The following DCDC2 variants were observed in gnomAD, a reference collection of about 807,000 sequenced individuals.
The protein encoded by DCDC2 is doublecortin domain containing 2.
In DCDC2, 40 loss-of-function variants were observed where a neutral mutation model predicts 50.2. The ratio of observed to expected loss-of-function variants is 0.80; its 90% CI spans 0.62 to 1.04. The LOEUF is 1.04. Among genes scored for constraint, DCDC2 ranks in the 50% least tolerant of loss-of-function variants. The pLI, the probability that DCDC2 is intolerant of heterozygous loss-of-function variation, is 0.00. For missense variants in DCDC2, 570 were observed against 581.9 expected, an observed-to-expected ratio of 0.98 and a Z score of 0.21; for synonymous variants, 234 against 210.6, an observed-to-expected ratio of 1.11 and a Z score of -0.96.
At chr6:24,276,365 A>G (rs916285444) in intron 7 of DCDC2, among the ~76,000 whole-genome samples, 1 of 152,036 alleles carries the variant, frequency 6.6e-6, no homozygotes, top group East Asian at 1.9e-4. Flanking sequence ...ATAGGCTAAC[A>G]AGAACCTCAC....
At position 24,217,663 on chromosome 6, in the gene DCDC2, CTG is replaced by C. The variant is rs1312018267; in HGVS notation, c.923-12563_923-12562del. 3.3e-5 allele frequency among the ~76,000 whole-genome samples: 5 copies of C among 152,190 alleles called. No individual in the cohort carries two copies. The East Asian group carries it at 9.6e-4, about 29-fold the overall frequency. On this transcript the variant is annotated intron_variant, in intron 7 of 9. Coordinates refer to ENST00000378454, the MANE Select transcript of DCDC2 (RefSeq NM_016356.5). ...CTGAGTGAGGGTGTTTTCAATTTAA[CTG>C]TTCTAGAATTTTACAGATTAATGTG...
intron 4 of DCDC2, among the ~76,000 whole-genome samples, chr6:24,292,282 T>G (rs559078315): frequency 1.3e-5 from 2 of 152,120 alleles, no homozygotes; most frequent in Non-Finnish European, 2.9e-5. Context: ...GATTTCAGTA[T>G]CATCAAAAAG....
intron 7 of DCDC2, among the ~76,000 whole-genome samples, chr6:24,220,024 T>C: frequency 6.6e-6 from 1 of 152,232 alleles, no homozygotes; most frequent in Non-Finnish European, 1.5e-5. Context: ...GCCAACCTCT[T>C]ACACTGAAAA....
intron 7 of DCDC2, among the ~76,000 whole-genome samples, chr6:24,258,573 G>T (rs1762943672): frequency 6.6e-6 from 1 of 152,160 alleles, no homozygotes; most frequent in Admixed American, 6.5e-5. Context: ...AGTCCAGCTG[G>T]CTTCACCTCT....
intron 7 of DCDC2, among the ~76,000 whole-genome samples, chr6:24,277,260 C>T (rs9393547): frequency 0.71 from 107,289 of 150,798 alleles, 39,777 homozygotes; most frequent in East Asian, 0.95. Flanking sequence ...CACAGTCCCA[C>T]GGGTGGGGTG....
intron 7 of DCDC2, among the ~76,000 whole-genome samples, chr6:24,276,396 C>A (rs369200420): frequency 7.5e-6 from 1 of 134,048 alleles, no homozygotes. Flanking sequence ...CAAATAACAT[C>A]TTATAAAAGG....
upstream of DCDC2, among the ~76,000 whole-genome samples, chr6:24,358,900 A>ATATATTT (rs1561788489): frequency 0.018 from 236 of 13,414 alleles, 8 homozygotes; most frequent in African/African-American, 0.13. Context: ...TATATATATA[A>ATATATTT]TATATTATAT....
upstream of DCDC2, among the ~76,000 whole-genome samples, chr6:24,359,536 T>TATATA (rs1236495783): frequency 2.4e-4 from 26 of 106,434 alleles, no homozygotes; most frequent in African/African-American, 9.6e-4. Flanking sequence ...TATATATTTT[T>TATATA]TATATATTTT....
chr6:24,176,524 A>C (rs1760917792), intron 9 of DCDC2, among the ~76,000 whole-genome samples: 1 of 152,214 alleles, frequency 6.6e-6, no homozygotes, highest in African/African-American at 2.4e-5. Context: ...TTGTATGTTT[A>C]TAGCATACAA....
chr6:24,349,197 C>T (rs1287907956), intron 2 of DCDC2, among the ~76,000 whole-genome samples: 3 of 152,208 alleles, frequency 2.0e-5, no homozygotes, highest in Admixed American at 2.0e-4. Context: ...TTTGCTGCAA[C>T]ATGATAAAGC....
chr6:24,290,818 CTAAG>C lies in DCDC2; in HGVS notation c.704+110_704+113del, dbSNP rs1482253644. 11 of 933,860 alleles carry C rather than the reference CTAAG, an allele frequency of 1.2e-5. No homozygotes were observed. The South Asian group carries it at 2.1e-4, about 18-fold the overall frequency. 57.8% of individuals were successfully genotyped at this position (933,860 alleles called of 1,614,324 possible). A position where few individuals can be genotyped will look rare whatever the true frequency, so the allele number is the denominator to read the frequency against. The stretch of plus-strand genomic sequence containing the variant: ...ATGTATACCATATATGCTTTCCATT[CTAAG>C]TAATAAATAAGATTATCAATTACAT... On this transcript the variant is annotated intron_variant, in intron 5 of 9. Coordinates refer to ENST00000378454, the MANE Select transcript of DCDC2 (RefSeq NM_016356.5).
At chr6:24,321,613 T>C (rs971249669) in intron 2 of DCDC2, among the ~76,000 whole-genome samples, 8 of 152,222 alleles carry the variant, frequency 5.3e-5, no homozygotes, top group Non-Finnish European at 2.9e-5. Flanking sequence ...TGCATAATTA[T>C]TTTAAACACT....
chr6:24,212,525 A>T (rs934624961), intron 7 of DCDC2, among the ~76,000 whole-genome samples: 1 of 152,178 alleles, frequency 6.6e-6, no homozygotes, highest in African/African-American at 2.4e-5. Context: ...GAGGAAAGTG[A>T]TTCTATTTTT....
At chr6:24,381,848 A>AAGGG in the DCDC2 span, among the ~76,000 whole-genome samples, 22 of 146,492 alleles carry the variant, frequency 1.5e-4, no homozygotes, top group African/African-American at 5.1e-4. Flanking sequence ...GGAAGGAAGG[A>AAGGG]AGGAAGGAAG....
intron 7 of DCDC2, among the ~76,000 whole-genome samples, chr6:24,235,207 ACT>A (rs1265360992): frequency 6.6e-6 from 1 of 152,240 alleles, no homozygotes; most frequent in Admixed American, 6.5e-5. Context: ...GCCACAGAAC[ACT>A]GAGTTCTCTC....
At chr6:24,369,581 C>T in the DCDC2 span, among the ~76,000 whole-genome samples, 1 of 151,768 alleles carries the variant, frequency 6.6e-6, no homozygotes, top group Non-Finnish European at 1.5e-5. Context: ...CTGCACTCAG[C>T]CTGGGTGACA....
At chr6:24,214,285 C>G (rs1581590682) in intron 7 of DCDC2, among the ~76,000 whole-genome samples, 1 of 152,084 alleles carries the variant, frequency 6.6e-6, no homozygotes, top group East Asian at 1.9e-4. Flanking sequence ...TTAACCTTAA[C>G]TTTAAATAGG....
chr6:24,346,463 C>G (rs1386502994), intron 2 of DCDC2, among the ~76,000 whole-genome samples: 2 of 152,154 alleles, frequency 1.3e-5, no homozygotes, highest in East Asian at 3.9e-4. Context: ...TGATAAATTT[C>G]ACCATACACA....
intron 7 of DCDC2, among the ~76,000 whole-genome samples, chr6:24,235,605 C>T: frequency 6.6e-6 from 1 of 152,106 alleles, no homozygotes. Context: ...AACATCCCTT[C>T]ATAATAAAAA....
Sources: gnomAD v4.1 joint callset for allele counts (sites outside exome capture counted in the v4.1 genomes callset) on GRCh38, gnomAD v4.1.1 for gene constraint, MANE v1.5 for transcripts, NCBI Gene and HGNC (gene_info 2026-07-23, HGNC 2026-07-21) for gene names.